Variants in DMD observed in about 807,000 individuals in gnomAD.
DMD encodes the protein dystrophin, also known as mutant dystrophin.
In DMD, 63 loss-of-function variants were observed where a neutral mutation model predicts 330.1. That is an observed-to-expected ratio of 0.19 (90% CI 0.16 to 0.24). DMD has a LOEUF of 0.24. DMD is among the 10% of genes least tolerant of loss of function. DMD has a pLI of 1.00. For missense variants in DMD, 3,344 were observed against 2,684.1 expected (o/e 1.25, Z -5.43); for synonymous variants, 1,223 against 959.8 (o/e 1.27, Z -5.07).
rs755020446 is a variant in DMD at position 32,061,986 on chromosome X, A to T, written c.6439-93472T>A. On this transcript the variant is annotated intron_variant, in intron 44 of 78. Coordinates refer to ENST00000357033, the MANE Select transcript of DMD (RefSeq NM_004006.3). ...TGGGAGATGCTTCACTATTTAGTGAAATCATTTCACGGAATAATATAGATC... is the reference window on the plus strand; with the variant it reads ...TGGGAGATGCTTCACTATTTAGTGATATCATTTCACGGAATAATATAGATC... 3.6e-5 allele frequency among the ~76,000 whole-genome samples: 4 copies of T among 111,297 alleles called. No individual in the cohort carries two copies. The East Asian group carries it at 8.6e-4, about 24-fold the overall frequency.
Position 32,454,733 on chromosome X carries a change from C to T in DMD, c.3532G>A (p.Glu1178Lys). 8.3e-7 allele frequency: 1 copy of T among 1,203,131 alleles called. No individual in the cohort carries two copies. Among genetic ancestry groups the T allele is most frequent in the Non-Finnish European group, 1.1e-6 (1 of 891,545 alleles). ...TCAAAATCTCTCTCAAGATACTCTT[C>T]TTCAGCTTGTGTCATCCATTCGTGC... ...EMHEWMTQAEEEYLERDFEYK... is the reference protein window; with the variant it reads ...EMHEWMTQAEKEYLERDFEYK... The change falls in exon 26 of 79, where the codon GAA becomes AAA. Residue 1178 changes from glutamate to lysine, a missense_variant. Physicochemically the swap from Glu to Lys is moderately conservative, Grantham distance 56. Coordinates refer to ENST00000357033, the MANE Select transcript of DMD (RefSeq NM_004006.3).
chrX:32,562,785 T>C (rs1279091756), intron 16 of DMD, among the ~76,000 whole-genome samples: 2 of 111,784 alleles, frequency 1.8e-5, no homozygotes, highest in African/African-American at 6.5e-5. Context: ...TATTTCGCTG[T>C]TGTCTCTGTT....
intron 50 of DMD, among the ~76,000 whole-genome samples, chrX:31,787,922 T>A (rs1187638469): frequency 1.8e-5 from 2 of 112,243 alleles, no homozygotes; most frequent in African/African-American, 6.5e-5. Context: ...TAGGAAAAAT[T>A]GCTTGTTAGA....
intron 3 of DMD, among the ~76,000 whole-genome samples, chrX:32,848,918 G>A (rs917078259): frequency 9.0e-6 from 1 of 110,768 alleles, no homozygotes; most frequent in Non-Finnish European, 1.9e-5. Flanking sequence ...GCAGGCTGGG[G>A]TAGATAGGAT....
At chrX:31,420,577 C>T (rs753931069) in intron 60 of DMD, among the ~76,000 whole-genome samples, 12 of 112,244 alleles carry the variant, frequency 1.1e-4, no homozygotes, top group Admixed American at 3.8e-4. Context: ...GAAAGACATG[C>T]GTGAACAGGC....
chrX:31,858,269 A>G (rs1317340854), intron 48 of DMD, among the ~76,000 whole-genome samples: 1 of 111,762 alleles, frequency 8.9e-6, no homozygotes, highest in Non-Finnish European at 1.9e-5. Context: ...TTCAACGCAT[A>G]AAGTTTGGAT....
chrX:31,560,812 C>T (rs1030774772), intron 55 of DMD, among the ~76,000 whole-genome samples: 31 of 111,991 alleles, frequency 2.8e-4, no homozygotes, highest in Non-Finnish European at 4.9e-4. Context: ...TTAGTAACAT[C>T]GTATTTTCTC....
At chrX:31,422,043 A>AT (rs369198579) in intron 60 of DMD, among the ~76,000 whole-genome samples, 2,185 of 28,749 alleles carry the variant, frequency 0.076, 62 homozygotes, top group South Asian at 0.18. Flanking sequence ...ATATATATAT[A>AT]TTTTTTTTTT....
chrX:31,567,139 G>T (rs184207584), intron 55 of DMD, among the ~76,000 whole-genome samples: 3 of 111,396 alleles, frequency 2.7e-5, no homozygotes, highest in African/African-American at 9.8e-5. Flanking sequence ...TATTTTCTAC[G>T]TACACAGTCA....
At chrX:32,503,846 C>T (rs1053149150) in intron 18 of DMD, among the ~76,000 whole-genome samples, 6 of 111,552 alleles carry the variant, frequency 5.4e-5, no homozygotes, top group African/African-American at 2.0e-4. Flanking sequence ...TGTGAGCCAC[C>T]GTGCCTGGCC....
intron 77 of DMD, 80 bp from the exon 78 acceptor site, chrX:31,126,753 T>A (rs1268742618): frequency 1.4e-6 from 1 of 703,655 alleles, no homozygotes; most frequent in Non-Finnish European, 2.2e-6. Context: ...TTCATACCAA[T>A]TTGCTTCTTT....
rs780072232 is a variant in DMD, at chrX:32,875,404, G to T, written c.94-25584C>A. The stretch of plus-strand genomic sequence containing the variant: ...AACCTTAGGATACTTTCAACCTGCT[G>T]TGAGAAACTCTATGCAAAGTGTTTC... On this transcript the variant is annotated intron_variant, in intron 2 of 78. Coordinates refer to ENST00000357033, the MANE Select transcript of DMD (RefSeq NM_004006.3). Among the ~76,000 whole-genome samples, 3 of 112,109 alleles carry T rather than the reference G, an allele frequency of 2.7e-5. No individual in the cohort carries two copies. In the East Asian group the frequency reaches 8.5e-4, roughly 32 times the overall value.
intron 1 of DMD, among the ~76,000 whole-genome samples, chrX:33,127,581 C>A (rs183183591): frequency 2.8e-3 from 308 of 110,738 alleles, no homozygotes; most frequent in African/African-American, 9.5e-3. Flanking sequence ...TGATTAAAAA[C>A]TTCTTAAAAA....
At chrX:32,118,785 G>T (rs1398375470) in intron 44 of DMD, among the ~76,000 whole-genome samples, 1 of 109,786 alleles carries the variant, frequency 9.1e-6, no homozygotes, top group Non-Finnish European at 1.9e-5. Context: ...GGGTGGGGTT[G>T]TGGGGAGAGG....
chrX:32,703,660 A>C (rs770851618), intron 7 of DMD, among the ~76,000 whole-genome samples: 9 of 111,612 alleles, frequency 8.1e-5, no homozygotes, highest in Admixed American at 4.8e-4. Context: ...GACTGCACTA[A>C]GGCCAATTCC....
chrX:31,952,897 C>G (rs1209920507), intron 45 of DMD, among the ~76,000 whole-genome samples: 1 of 112,338 alleles, frequency 8.9e-6, no homozygotes, highest in Non-Finnish European at 1.9e-5. Flanking sequence ...TCTGTGGAAT[C>G]TGTTTCCCCA....
chrX:31,134,049 G>T, intron 77 of DMD, 53 bp downstream of exon 77: 1 of 1,082,320 alleles, frequency 9.2e-7, no homozygotes, highest in Non-Finnish European at 1.3e-6. Flanking sequence ...GGGTAGGGAA[G>T]CGAGTGGCCT....
intron 37 of DMD, among the ~76,000 whole-genome samples, chrX:32,358,415 ATTGATTCTGTCAAT>A (rs2097815385): frequency 9.0e-6 from 1 of 111,240 alleles, no homozygotes; most frequent in African/African-American, 3.3e-5. Flanking sequence ...GTCTCTCCTC[ATTGATTCTGTCAAT>A]TTACTCAGGG....
chrX:32,827,973 A>G (rs1380894337), intron 4 of DMD, among the ~76,000 whole-genome samples: 1 of 111,561 alleles, frequency 9.0e-6, no homozygotes, highest in Non-Finnish European at 1.9e-5. Context: ...ACTCCCACTT[A>G]TAAGTGAGAA....
Sources: gnomAD v4.1 joint callset for allele counts (sites outside exome capture counted in the v4.1 genomes callset) on GRCh38, gnomAD v4.1.1 for gene constraint, MANE v1.5 for transcripts, NCBI Gene and HGNC (gene_info 2026-07-23, HGNC 2026-07-21) for gene names.